ELMO1: variants seen among roughly 807,000 people sequenced by gnomAD.
ELMO1 encodes engulfment and cell motility protein 1.
Under a neutral mutation model 98.9 loss-of-function variants are expected in ELMO1, and 26 were observed. The observed-to-expected ratio is 0.26, with a 90% CI of 0.19 to 0.36. ELMO1 has a LOEUF of 0.36. Ranked by LOEUF, ELMO1 falls within the 10% of genes least tolerant of loss-of-function variation. The probability of loss-of-function intolerance (pLI) is 1.00; values close to 1 mark genes in which losing one functional copy is unlikely to be tolerated. For synonymous variants in ELMO1, 346 were observed against 346.0 expected (o/e 1.00, Z 0.00); for missense variants, 627 against 935.2 (o/e 0.67, Z 4.30).
chr7:37,389,837 T>C (rs1802990172), intron 1 of ELMO1, among the ~76,000 whole-genome samples: 1 of 152,136 alleles, frequency 6.6e-6, no homozygotes, highest in Admixed American at 6.5e-5. Flanking sequence ...TTCTTACTAA[T>C]TCTCCAGCAT....
intron 15 of ELMO1, among the ~76,000 whole-genome samples, chr7:37,092,409 C>T (rs559270048): frequency 2.4e-4 from 27 of 113,584 alleles, no homozygotes; most frequent in Non-Finnish European, 3.4e-4. Flanking sequence ...GACAGAGTCT[C>T]GCTCTGTCGC....
At chr7:37,074,777 T>C (rs1797473235) in intron 15 of ELMO1, among the ~76,000 whole-genome samples, 1 of 152,350 alleles carries the variant, frequency 6.6e-6, no homozygotes. Context: ...TGAGGAGGTT[T>C]AGCTTGTTTA....
intron 16 of ELMO1, among the ~76,000 whole-genome samples, chr7:36,971,391 C>T (rs1363694326): frequency 1.3e-5 from 2 of 152,204 alleles, no homozygotes; most frequent in Admixed American, 6.5e-5. Flanking sequence ...AAAGGATACA[C>T]TTAAGTCATT....
At chr7:37,106,021 T>C (rs549523702) in intron 14 of ELMO1, among the ~76,000 whole-genome samples, 1 of 152,220 alleles carries the variant, frequency 6.6e-6, no homozygotes, top group Non-Finnish European at 1.5e-5. Flanking sequence ...GTTAATTTTA[T>C]GGTATATGCA....
rs375420599 is a variant in ELMO1 at position 36,921,907 on chromosome 7, C to T, written c.1438-26890G>A. 9.3e-4 allele frequency among the ~76,000 whole-genome samples: 141 copies of T among 152,274 alleles called. 1 individual carries two copies. In the South Asian group the frequency reaches 9.5e-3, roughly 10 times the overall value. Reference sequence around the variant, plus strand: ...ATAATACCTAAGAGTGGTAAGACCCCGCTGCGTATGCCTGTGTGGCATTGT... The same window carrying T: ...ATAATACCTAAGAGTGGTAAGACCCTGCTGCGTATGCCTGTGTGGCATTGT... On this transcript the variant is annotated intron_variant, in intron 16 of 21. Transcript: ENST00000310758.
intron 6 of ELMO1, among the ~76,000 whole-genome samples, chr7:37,251,730 G>C (rs1454429306): frequency 6.6e-6 from 1 of 152,168 alleles, no homozygotes; most frequent in Admixed American, 6.5e-5. Context: ...GTTCAGGCCA[G>C]GGCAATCAGG....
In ELMO1 at chr7:37,242,004, G is replaced by C. The variant is rs541049993; in HGVS notation, c.449+2352C>G. Among the ~76,000 whole-genome samples the C allele has an allele frequency of 3.3e-5, 5 of 152,166 alleles. No homozygotes were observed. In the South Asian group the frequency reaches 8.3e-4, roughly 25 times the overall value. Reference sequence around the variant, plus strand: ...ATCTATCTACTATCATGTCTCTCCAGTGTGAAGAACTTGCTTCATATATCT... The same window carrying C: ...ATCTATCTACTATCATGTCTCTCCACTGTGAAGAACTTGCTTCATATATCT... On this transcript the variant is annotated intron_variant, in intron 7 of 21. Coordinates refer to ENST00000310758, the MANE Select transcript of ELMO1 (RefSeq NM_014800.11).
At chr7:36,911,734 A>G (rs1248780535) in intron 16 of ELMO1, among the ~76,000 whole-genome samples, 1 of 152,146 alleles carries the variant, frequency 6.6e-6, no homozygotes, top group Non-Finnish European at 1.5e-5. Flanking sequence ...AAGATCACCA[A>G]AAGTCATGCT....
At chr7:37,245,439 T>C (rs1260560711) in intron 6 of ELMO1, among the ~76,000 whole-genome samples, 1 of 152,174 alleles carries the variant, frequency 6.6e-6, no homozygotes, top group East Asian at 1.9e-4. Context: ...TGTAACCATT[T>C]CAGAAATCCA....
intron 16 of ELMO1, among the ~76,000 whole-genome samples, chr7:36,997,160 T>G (rs916992217): frequency 2.0e-5 from 3 of 152,034 alleles, no homozygotes; most frequent in Non-Finnish European, 2.9e-5. Flanking sequence ...ACAAACTGAG[T>G]CCATAAGTGA....
At chr7:37,329,953 C>A (rs10242920) in intron 2 of ELMO1, among the ~76,000 whole-genome samples, 35,483 of 152,042 alleles carry the variant, frequency 0.23, 4,116 homozygotes, top group South Asian at 0.26. Flanking sequence ...TTCCATTTTG[C>A]CCTCAAAAAA....
In ELMO1 at chr7:37,320,031, G is replaced by A. The variant is rs112074594; in HGVS notation, c.79-4071C>T. Among the ~76,000 whole-genome samples the A allele has an allele frequency of 5.3e-4, 80 of 152,210 alleles. 1 individual carries two copies. The highest frequency in any genetic ancestry group is 1.8e-3 in the African/African-American group (76 of 41,532). Reference sequence around the variant, plus strand: ...AGCACTTTGGGAGGCGGAGGTGGGCGGATCATGAGGTCAGGAGATTGAGAC... The same window carrying A: ...AGCACTTTGGGAGGCGGAGGTGGGCAGATCATGAGGTCAGGAGATTGAGAC... On this transcript the variant is annotated intron_variant, in intron 2 of 21. Transcript: ENST00000310758.
intron 13 of ELMO1, among the ~76,000 whole-genome samples, chr7:37,181,982 A>G (rs1002026758): frequency 6.6e-6 from 1 of 151,920 alleles, no homozygotes; most frequent in Non-Finnish European, 1.5e-5. Flanking sequence ...GCCAACATAT[A>G]AGCTGTATTT....
chr7:37,169,711 G>T lies in ELMO1; in HGVS notation c.1087-36477C>A, dbSNP rs563287271. On this transcript the variant is annotated intron_variant, in intron 13 of 21. Coordinates refer to ENST00000310758, the MANE Select transcript of ELMO1 (RefSeq NM_014800.11). ...GGGTCACGTGCCGACATCATCACAA[G>T]ATTTGAGGGAGGCACATGTCACACA... 1.9e-4 allele frequency among the ~76,000 whole-genome samples: 29 copies of T among 152,180 alleles called. No homozygotes were observed. The South Asian group carries it at 5.4e-3, about 28-fold the overall frequency.
intron 16 of ELMO1, among the ~76,000 whole-genome samples, chr7:37,008,444 A>G (rs1238405266): frequency 6.6e-6 from 1 of 152,158 alleles, no homozygotes; most frequent in Admixed American, 6.5e-5. Context: ...ATGGGTTACT[A>G]ATTCAGTTCA....
At chr7:37,346,575 C>G (rs1016827767) in intron 1 of ELMO1, among the ~76,000 whole-genome samples, 2 of 152,134 alleles carry the variant, frequency 1.3e-5, no homozygotes, top group Non-Finnish European at 2.9e-5. Context: ...AAGAACAATG[C>G]GTTTTATCTG....
chr7:36,979,349 T>A (rs899169116), intron 16 of ELMO1, among the ~76,000 whole-genome samples: 2 of 152,252 alleles, frequency 1.3e-5, no homozygotes, highest in Non-Finnish European at 2.9e-5. Context: ...TCATGGGAAA[T>A]GTACCTTCTT....
chr7:37,246,781 TAGATAGATAAACAGAC>T, intron 6 of ELMO1, among the ~76,000 whole-genome samples: 1 of 152,176 alleles, frequency 6.6e-6, no homozygotes, highest in East Asian at 1.9e-4. Context: ...GACAGATAGA[TAGATAGATAAACAGAC>T]AGATAGATAG....
chr7:37,352,076 C>T (rs922348836), intron 1 of ELMO1, among the ~76,000 whole-genome samples: 2 of 152,216 alleles, frequency 1.3e-5, no homozygotes, highest in African/African-American at 4.8e-5. Context: ...CCACTAATAA[C>T]TTACTAGTTC....
Sources: allele counts gnomAD v4.1 joint callset (sites outside exome capture counted in the v4.1 genomes callset), GRCh38; gene constraint gnomAD v4.1.1; transcripts MANE v1.5; gene names NCBI Gene and HGNC (gene_info 2026-07-23, HGNC 2026-07-21).